CCDC91: variants seen among roughly 807,000 people sequenced by gnomAD.
CCDC91 encodes the protein coiled-coil domain-containing protein 91.
A neutral mutation model predicts 63.2 loss-of-function variants in CCDC91; 48 were observed. The observed-to-expected ratio is 0.76, with a 90% CI of 0.60 to 0.97. CCDC91 has a LOEUF of 0.97. Ranked by LOEUF, CCDC91 falls within the 50% of genes least tolerant of loss-of-function variation. The probability of loss-of-function intolerance (pLI) is 0.00; values close to 1 mark genes in which losing one functional copy is unlikely to be tolerated. For synonymous variants in CCDC91, 167 were observed against 165.8 expected (o/e 1.01, Z -0.06); for missense variants, 500 against 494.6 (o/e 1.01, Z -0.10).
intron 11 of CCDC91, among the ~76,000 whole-genome samples, chr12:28,478,348 A>G (rs1441049035): frequency 1.3e-5 from 2 of 152,214 alleles, no homozygotes; most frequent in African/African-American, 2.4e-5. Context: ...CCTGACAAAG[A>G]CAAGAAATGG....
intron 11 of CCDC91, among the ~76,000 whole-genome samples, chr12:28,454,441 A>G (rs1027360562): frequency 6.6e-5 from 10 of 152,100 alleles, no homozygotes; most frequent in Non-Finnish European, 1.2e-4. Context: ...GATAGGTGAG[A>G]CAGAAGCCAG....
chr12:28,497,519 G>A (rs146416708), intron 12 of CCDC91, among the ~76,000 whole-genome samples: 92 of 151,650 alleles, frequency 6.1e-4, no homozygotes, highest in African/African-American at 2.2e-3. Flanking sequence ...TGCAAAGTTA[G>A]ATTCCACCAA....
intron 3 of CCDC91, among the ~76,000 whole-genome samples, chr12:28,296,246 G>A (rs1403819031): frequency 1.3e-5 from 2 of 151,208 alleles, no homozygotes; most frequent in African/African-American, 2.4e-5. Context: ...AAAAGATTAC[G>A]AGGCCTCTTC....
rs1304919470 is a variant in CCDC91 at position 28,549,372 on chromosome 12, T to C, written c.*199T>C. 2.4e-6 allele frequency: 1 copy of C among 409,170 alleles called. No homozygotes were observed. The highest frequency in any genetic ancestry group is 4.2e-5 in the South Asian group (1 of 23,760). The allele number at this position is 409,170 out of a possible 1,614,324, so 25.3% of individuals were successfully genotyped here. ...CTTTTGGTTTCTTCTTTACATTTACTGTTATTTTATTATTATTAGTAGTAG... is the reference window on the plus strand; with the variant it reads ...CTTTTGGTTTCTTCTTTACATTTACCGTTATTTTATTATTATTAGTAGTAG... On this transcript the variant is annotated 3_prime_UTR_variant, in exon 13 of 13. Coordinates refer to ENST00000536442, the MANE Select transcript of CCDC91 (RefSeq NM_018318.5).
chr12:28,207,331 A>G (rs956344748), intron 1 of CCDC91, among the ~76,000 whole-genome samples: 2 of 152,078 alleles, frequency 1.3e-5, no homozygotes, highest in East Asian at 3.9e-4. Flanking sequence ...GACCCTTCTC[A>G]GTTGTGAGAT....
At chr12:28,537,719 A>G (rs1031593562) in intron 12 of CCDC91, among the ~76,000 whole-genome samples, 9 of 152,222 alleles carry the variant, frequency 5.9e-5, no homozygotes, top group Non-Finnish European at 1.2e-4. Flanking sequence ...TTAAGGCTAC[A>G]AAAATGACTG....
rs369136599 is a variant in CCDC91 at position 28,479,194 on chromosome 12, C to G, written c.1102-4858C>G. Among the ~76,000 whole-genome samples, 3 of 152,170 alleles carry G rather than the reference C, an allele frequency of 2.0e-5. No homozygotes were observed. In the East Asian group the frequency reaches 5.8e-4, roughly 29 times the overall value. ...TTTTTGGTGGCACTATTCACAATAG[C>G]AAAGACTTGGAACCAACCCAAATGT... On this transcript the variant is annotated intron_variant, in intron 11 of 12. Coordinates refer to ENST00000536442, the MANE Select transcript of CCDC91 (RefSeq NM_018318.5).
chr12:28,453,002 A>G (rs1327495000), intron 11 of CCDC91, among the ~76,000 whole-genome samples: 1 of 151,900 alleles, frequency 6.6e-6, no homozygotes, highest in Non-Finnish European at 1.5e-5. Context: ...ACACATGCAC[A>G]CAGACTCAAT....
At chr12:28,330,227 C>T (rs187706441) in intron 6 of CCDC91, among the ~76,000 whole-genome samples, 5 of 152,258 alleles carry the variant, frequency 3.3e-5, no homozygotes, top group Non-Finnish European at 7.4e-5. Flanking sequence ...TTTACACTCC[C>T]ATCAGCAGTG....
At chr12:28,449,631 T>G (rs1949702429) in intron 8 of CCDC91, among the ~76,000 whole-genome samples, 1 of 152,058 alleles carries the variant, frequency 6.6e-6, no homozygotes, top group Admixed American at 6.5e-5. Context: ...ATAATATTTC[T>G]TGGACTCATT....
intron 8 of CCDC91, among the ~76,000 whole-genome samples, chr12:28,428,972 T>C (rs1401602284): frequency 6.6e-6 from 1 of 152,164 alleles, no homozygotes; most frequent in African/African-American, 2.4e-5. Context: ...ATGTTATACA[T>C]GCTTCTGACC....
intron 12 of CCDC91, among the ~76,000 whole-genome samples, chr12:28,518,634 T>G (rs973953597): frequency 9.2e-5 from 14 of 152,122 alleles, no homozygotes; most frequent in African/African-American, 3.4e-4. Flanking sequence ...TTTCTTTTGC[T>G]GTGCAAAAGC....
chr12:28,313,220 TC>T (rs1592278214), intron 6 of CCDC91, among the ~76,000 whole-genome samples: 1 of 152,114 alleles, frequency 6.6e-6, no homozygotes, highest in East Asian at 1.9e-4. Context: ...CTCTGTGGTA[TC>T]CTAAATAAAG....
intron 7 of CCDC91, among the ~76,000 whole-genome samples, chr12:28,378,154 T>C (rs1331197244): frequency 6.6e-6 from 1 of 152,116 alleles, no homozygotes; most frequent in East Asian, 1.9e-4. Flanking sequence ...ATCATTGTGA[T>C]GAAAATTCTC....
intron 11 of CCDC91, among the ~76,000 whole-genome samples, chr12:28,471,225 A>G (rs1200089121): frequency 6.6e-6 from 1 of 152,224 alleles, no homozygotes; most frequent in Non-Finnish European, 1.5e-5. Flanking sequence ...AACAATGTGC[A>G]AATTATGAAG....
At chr12:28,474,396 C>T (rs1442077270) in intron 11 of CCDC91, among the ~76,000 whole-genome samples, 1 of 151,996 alleles carries the variant, frequency 6.6e-6, no homozygotes, top group Non-Finnish European at 1.5e-5. Flanking sequence ...AAAATATTCT[C>T]TTTTTTTCAA....
At chr12:28,539,157 G>T (rs1431850905) in intron 12 of CCDC91, among the ~76,000 whole-genome samples, 1 of 152,158 alleles carries the variant, frequency 6.6e-6, no homozygotes, top group Non-Finnish European at 1.5e-5. Flanking sequence ...ATTGCTTTTG[G>T]TGTTTTAGAC....
At chr12:28,447,257 A>G (rs1949548201) in intron 8 of CCDC91, among the ~76,000 whole-genome samples, 1 of 152,122 alleles carries the variant, frequency 6.6e-6, no homozygotes, top group South Asian at 2.1e-4. Context: ...AATTTAACAA[A>G]ACAAAAAGAA....
At chr12:28,408,249 C>T (rs193143753) in intron 8 of CCDC91, among the ~76,000 whole-genome samples, 471 of 152,148 alleles carry the variant, frequency 3.1e-3, no homozygotes, top group Non-Finnish European at 4.4e-3. Context: ...GTTTTCTGTT[C>T]CTGTGTTAGT....
Sources: gnomAD v4.1 joint callset for allele counts (sites outside exome capture counted in the v4.1 genomes callset) on GRCh38, gnomAD v4.1.1 for gene constraint, MANE v1.5 for transcripts, NCBI Gene and HGNC (gene_info 2026-07-23, HGNC 2026-07-21) for gene names.